TENM3: variants seen among roughly 807,000 people sequenced by gnomAD.
TENM3 encodes the protein teneurin-3.
Under a neutral mutation model 255.1 loss-of-function variants are expected in TENM3, and 63 were observed. The ratio of observed to expected loss-of-function variants is 0.25; its 90% CI spans 0.20 to 0.30. The LOEUF is 0.30. Ranked by LOEUF, TENM3 falls within the 10% of genes least tolerant of loss-of-function variation. The pLI is 1.00. For synonymous variants in TENM3, 1,306 were observed against 1,322.3 expected, an observed-to-expected ratio of 0.99 and a Z score of 0.27; for missense variants, 2,929 against 3,461.1, an observed-to-expected ratio of 0.85 and a Z score of 3.86.
At chr4:181,767,062 C>T in the TENM3 span, among the ~76,000 whole-genome samples, 6 of 132,732 alleles carry the variant, frequency 4.5e-5, no homozygotes, top group East Asian at 7.5e-4. Flanking sequence ...ACCATTCTGG[C>T]TAACAAGGGG....
the TENM3 span, among the ~76,000 whole-genome samples, chr4:181,474,975 G>A: frequency 5.9e-5 from 9 of 152,036 alleles, no homozygotes; most frequent in African/African-American, 9.7e-5. Context: ...TTTAATAACT[G>A]TGCAATAAAT....
At chr4:181,914,966 C>G in the TENM3 span, among the ~76,000 whole-genome samples, 11 of 152,058 alleles carry the variant, frequency 7.2e-5, 1 homozygote, top group Admixed American at 5.9e-4. Flanking sequence ...TACAGATGAC[C>G]AGGCCAAATT....
the TENM3 span, among the ~76,000 whole-genome samples, chr4:181,522,221 T>C: frequency 6.6e-6 from 1 of 151,118 alleles, no homozygotes; most frequent in South Asian, 2.1e-4. Context: ...CACCATGTTA[T>C]ACTCAACAAA....
intron 3 of TENM3, among the ~76,000 whole-genome samples, chr4:182,535,803 C>T (rs139827192): frequency 3.2e-4 from 48 of 150,626 alleles, no homozygotes; most frequent in African/African-American, 1.1e-3. Flanking sequence ...TTATGATAAA[C>T]ATTATTACAT....
At chr4:182,607,217 A>C (rs1748517089) in intron 4 of TENM3, among the ~76,000 whole-genome samples, 1 of 152,186 alleles carries the variant, frequency 6.6e-6, no homozygotes, top group African/African-American at 2.4e-5. Flanking sequence ...TTTCATCATA[A>C]AGTAGCTCTC....
intron 1 of TENM3, among the ~76,000 whole-genome samples, chr4:182,220,378 C>CAAA (rs60851113): frequency 0.064 from 4,970 of 77,152 alleles, 563 homozygotes; most frequent in African/African-American, 0.11. Flanking sequence ...CTCTGTCTCA[C>CAAA]AAAAAAAAAA....
chr4:181,888,462 G>A, the TENM3 span, among the ~76,000 whole-genome samples: 5 of 135,932 alleles, frequency 3.7e-5, no homozygotes, highest in Non-Finnish European at 6.2e-5. Flanking sequence ...ATTAGTCAGC[G>A]TTCTCCAGAG....
chr4:181,617,933 T>C, the TENM3 span, among the ~76,000 whole-genome samples: 55 of 152,280 alleles, frequency 3.6e-4, no homozygotes, highest in Middle Eastern at 3.4e-3. Flanking sequence ...CTGCAAATAA[T>C]GCCAGCAGCC....
the TENM3 span, among the ~76,000 whole-genome samples, chr4:181,683,050 T>A: frequency 2.0e-5 from 3 of 150,256 alleles, no homozygotes; most frequent in Non-Finnish European, 3.0e-5. Context: ...AATAAATAAA[T>A]AAAAATTTAA....
the TENM3 span, among the ~76,000 whole-genome samples, chr4:181,897,423 A>T: frequency 6.6e-6 from 1 of 152,224 alleles, no homozygotes. Flanking sequence ...GTATCCAGGA[A>T]TACATTTACA....
At chr4:182,590,319 C>G (rs1334805676) in intron 3 of TENM3, among the ~76,000 whole-genome samples, 1 of 151,758 alleles carries the variant, frequency 6.6e-6, no homozygotes, top group Non-Finnish European at 1.5e-5. Flanking sequence ...TTGAGACCTA[C>G]CTAGTCTTCT....
the TENM3 span, among the ~76,000 whole-genome samples, chr4:181,715,600 G>A: frequency 2.0e-5 from 3 of 152,270 alleles, no homozygotes; most frequent in Non-Finnish European, 2.9e-5. Flanking sequence ...AGGCTGAAAC[G>A]ATTGTAAAAT....
chr4:182,362,048 G>A (rs992011468), intron 3 of TENM3, among the ~76,000 whole-genome samples: 8 of 152,284 alleles, frequency 5.3e-5, no homozygotes, highest in South Asian at 2.1e-4. Flanking sequence ...CGTGAACCGC[G>A]AAAGCTGCTG....
the TENM3 span, among the ~76,000 whole-genome samples, chr4:181,688,783 A>G: frequency 6.6e-6 from 1 of 152,214 alleles, no homozygotes; most frequent in Non-Finnish European, 1.5e-5. Flanking sequence ...GTTTAAGTGC[A>G]TGTCTCCAAC....
the TENM3 span, among the ~76,000 whole-genome samples, chr4:181,685,386 A>G: frequency 3.7e-4 from 56 of 152,304 alleles, 1 homozygote; most frequent in East Asian, 0.011. Context: ...AACTTATTCC[A>G]TAAGAGATGG....
chr4:181,987,350 C>T, the TENM3 span, among the ~76,000 whole-genome samples: 1 of 152,098 alleles, frequency 6.6e-6, no homozygotes, highest in African/African-American at 2.4e-5. Context: ...ACCAACGGAG[C>T]CCCTGAGAGA....
At chr4:182,135,076 C>T in the TENM3 span, among the ~76,000 whole-genome samples, 5 of 151,462 alleles carry the variant, frequency 3.3e-5, no homozygotes, top group African/African-American at 4.9e-5. Context: ...TGTGGTGATG[C>T]GCGCCTGTAA....
chr4:181,832,178 C>A, the TENM3 span, among the ~76,000 whole-genome samples: 1 of 152,050 alleles, frequency 6.6e-6, no homozygotes, highest in Admixed American at 6.6e-5. Flanking sequence ...AGAGTGGAGA[C>A]CACGGTTTTC....
the TENM3 span, among the ~76,000 whole-genome samples, chr4:181,684,066 G>T: frequency 6.6e-6 from 1 of 152,186 alleles, no homozygotes; most frequent in Non-Finnish European, 1.5e-5. Context: ...ATCACTTGAG[G>T]CAGTTTTTAG....
Sources: gnomAD v4.1 joint callset for allele counts (sites outside exome capture counted in the v4.1 genomes callset) on GRCh38, gnomAD v4.1.1 for gene constraint, MANE v1.5 for transcripts, NCBI Gene and HGNC (gene_info 2026-07-23, HGNC 2026-07-21) for gene names.